DRC11: variants seen among roughly 807,000 people sequenced by gnomAD.
The protein encoded by DRC11 is dynein regulatory complex subunit 11.
chr2:236,395,060 T>C, the DRC11 span, among the ~76,000 whole-genome samples: 4 of 152,134 alleles, frequency 2.6e-5, no homozygotes, highest in African/African-American at 4.8e-5. Flanking sequence ...ATAGGACCAA[T>C]GCACTTAGGC....
chr2:236,475,263 A>G, the DRC11 span, among the ~76,000 whole-genome samples: 3 of 152,328 alleles, frequency 2.0e-5, no homozygotes, highest in South Asian at 6.2e-4. The surrounding 1 kb of genome is among the most constrained non-coding windows in gnomAD (Gnocchi z 4.8). Flanking sequence ...TTCATTTAAC[A>G]TAATGACCTC....
At chr2:236,459,688 C>A in the DRC11 span, among the ~76,000 whole-genome samples, 2 of 131,240 alleles carry the variant, frequency 1.5e-5, no homozygotes, top group Admixed American at 7.7e-5. Context: ...TATGTATATA[C>A]ATATATACAT....
chr2:236,335,091 G>A, the DRC11 span, among the ~76,000 whole-genome samples: 33 of 152,280 alleles, frequency 2.2e-4, no homozygotes, highest in East Asian at 3.7e-3. The surrounding 1 kb of genome is among the most constrained non-coding windows in gnomAD (Gnocchi z 5.6). Flanking sequence ...TTTCAGCACC[G>A]TCTGTCCCCA....
At chr2:236,358,382 T>C in the DRC11 span, among the ~76,000 whole-genome samples, 1 of 133,148 alleles carries the variant, frequency 7.5e-6, no homozygotes, top group Non-Finnish European at 1.6e-5. Flanking sequence ...GATATATATT[T>C]ATGATATATG....
chr2:236,321,634 G>C, the DRC11 span, among the ~76,000 whole-genome samples: 3 of 152,190 alleles, frequency 2.0e-5, no homozygotes, highest in Non-Finnish European at 4.4e-5. Flanking sequence ...AAAAGTGTAT[G>C]TATCTTTGGC....
chr2:236,342,082 G>T, the DRC11 span, among the ~76,000 whole-genome samples: 1 of 152,144 alleles, frequency 6.6e-6, no homozygotes, highest in Non-Finnish European at 1.5e-5. The surrounding 1 kb of genome is among the most constrained non-coding windows in gnomAD (Gnocchi z 5.8). Flanking sequence ...GCCTCTTATT[G>T]CGGGAGGGGC....
chr2:236,480,445 CTG>C, the DRC11 span, among the ~76,000 whole-genome samples: 1 of 151,824 alleles, frequency 6.6e-6, no homozygotes, highest in Admixed American at 6.6e-5. Flanking sequence ...TTCCCTCTGA[CTG>C]TGTATTTTCA....
At chr2:236,308,941 G>A in the DRC11 span, among the ~76,000 whole-genome samples, 8 of 152,214 alleles carry the variant, frequency 5.3e-5, no homozygotes, top group Admixed American at 1.3e-4. This position sits in a 1 kb window ranked among gnomAD's most constrained non-coding sequence, Gnocchi z 6.0. Context: ...TTCTGCTGCA[G>A]GGGAGCTGTG....
At chr2:236,502,548 CAAAAAAAAAAAAAA>C in the DRC11 span, among the ~76,000 whole-genome samples, 2,769 of 15,146 alleles carry the variant, frequency 0.18, 134 homozygotes, top group East Asian at 0.48. Context: ...TGCACTCCAG[CAAAAAAAAAAAAAA>C]AAAAAAAAAA....
chr2:236,439,498 A>C, the DRC11 span, among the ~76,000 whole-genome samples: 5 of 152,318 alleles, frequency 3.3e-5, no homozygotes, highest in East Asian at 9.6e-4. Context: ...CTTTTTATCC[A>C]GATAAATAAT....
At chr2:236,371,456 AG>A in the DRC11 span, among the ~76,000 whole-genome samples, 2 of 152,128 alleles carry the variant, frequency 1.3e-5, no homozygotes, top group African/African-American at 4.8e-5. This position sits in a 1 kb window ranked among gnomAD's most constrained non-coding sequence, Gnocchi z 5.1. Context: ...TTCCAGAGGC[AG>A]GGGGGCATTC....
At chr2:236,465,412 C>A in the DRC11 span, 2 of 1,049,710 alleles carry the variant, frequency 1.9e-6, no homozygotes, top group African/African-American at 1.6e-5. The surrounding 1 kb of genome is among the most constrained non-coding windows in gnomAD (Gnocchi z 6.2). Flanking sequence ...AACCTCATGA[C>A]TCTATATCAA....
At chr2:236,431,169 T>G in the DRC11 span, among the ~76,000 whole-genome samples, 1 of 152,228 alleles carries the variant, frequency 6.6e-6, no homozygotes, top group South Asian at 2.1e-4. This position sits in a 1 kb window ranked among gnomAD's most constrained non-coding sequence, Gnocchi z 4.2. Flanking sequence ...TAAGATTCTC[T>G]CATTTCCATT....
chr2:236,491,857 T>C, the DRC11 span, among the ~76,000 whole-genome samples: 1 of 152,148 alleles, frequency 6.6e-6, no homozygotes, highest in Non-Finnish European at 1.5e-5. Context: ...GGTGCTATGG[T>C]TTAAACGTGT....
the DRC11 span, among the ~76,000 whole-genome samples, chr2:236,506,784 A>C: frequency 1.8e-3 from 273 of 152,378 alleles, 1 homozygote; most frequent in Admixed American, 2.7e-3. This position sits in a 1 kb window ranked among gnomAD's most constrained non-coding sequence, Gnocchi z 4.9. Flanking sequence ...TGCTAGGCAC[A>C]CACTTCTTTC....
chr2:236,378,191 T>C, the DRC11 span, among the ~76,000 whole-genome samples: 8 of 152,216 alleles, frequency 5.3e-5, no homozygotes, highest in Non-Finnish European at 8.8e-5. Context: ...TAAAGTAGTA[T>C]GCCCTCTGCT....
chr2:236,393,066 T>C, the DRC11 span, among the ~76,000 whole-genome samples: 1 of 152,168 alleles, frequency 6.6e-6, no homozygotes, highest in Non-Finnish European at 1.5e-5. This position sits in a 1 kb window ranked among gnomAD's most constrained non-coding sequence, Gnocchi z 4.7. Context: ...AGGTGTGGAA[T>C]AGCTGGATCC....
chr2:236,485,048 T>G, the DRC11 span, among the ~76,000 whole-genome samples: 2 of 152,186 alleles, frequency 1.3e-5, no homozygotes, highest in African/African-American at 4.8e-5. Context: ...TTTTCAGCAT[T>G]TGCTACATGG....
chr2:236,325,855 G>A, the DRC11 span, among the ~76,000 whole-genome samples: 1 of 152,150 alleles, frequency 6.6e-6, no homozygotes, highest in East Asian at 1.9e-4. This position sits in a 1 kb window ranked among gnomAD's most constrained non-coding sequence, Gnocchi z 4.4. Flanking sequence ...TGCCCGTCTC[G>A]GCCTCCCCAA....
Sources: gnomAD v4.1 joint callset for allele counts (sites outside exome capture counted in the v4.1 genomes callset) on GRCh38, gnomAD v4.1.1 for gene constraint, Gnocchi (gnomAD v3.1) non-coding constraint, MANE v1.5 for transcripts, NCBI Gene and HGNC (gene_info 2026-07-23, HGNC 2026-07-21) for gene names.